SOX13: variants seen among roughly 807,000 people sequenced by gnomAD.
SOX13 encodes the protein transcription factor SOX-13.
A neutral mutation model predicts 71.8 loss-of-function variants in SOX13; 28 were observed. The observed-to-expected ratio is 0.39, with a 90% CI of 0.29 to 0.53. SOX13 has a LOEUF of 0.53. SOX13 is among the 20% of genes least tolerant of loss of function. The pLI is 0.70. For missense variants in SOX13, 627 were observed against 810.3 expected (o/e 0.77, Z 2.75); for synonymous variants, 309 against 317.8 (o/e 0.97, Z 0.29).
At chr1:204,108,906 C>T (rs1183497728) in intron 1 of SOX13, among the ~76,000 whole-genome samples, 2 of 152,196 alleles carry the variant, frequency 1.3e-5, no homozygotes, top group Admixed American at 6.5e-5. Flanking sequence ...TTATTTTCAG[C>T]GGTTTGATTA....
At chr1:204,095,918 C>A (rs1656242595) in intron 1 of SOX13, among the ~76,000 whole-genome samples, 1 of 152,180 alleles carries the variant, frequency 6.6e-6, no homozygotes, top group African/African-American at 2.4e-5. Flanking sequence ...TAGACACATA[C>A]AATATTTGAC....
In SOX13 at chr1:204,117,632, C is replaced by A. The variant is rs36055883; in HGVS notation, c.700C>A (p.Pro234Thr). 5.0e-5 allele frequency: 80 copies of A among 1,613,562 alleles called. 1 individual carries two copies. Among genetic ancestry groups the A allele is most frequent in the Middle Eastern group, 4.9e-4 (3 of 6,084 alleles). The change falls in exon 7 of 14, where the codon CCA (proline) becomes ACA (threonine). Residue 234 changes from proline to threonine, a missense_variant. Transcript: ENST00000367204. ...TTATGTCATGATCCCAGCCTTCCCC[C>A]CAAGCCACCAACCTCTGCCTGTCAC... ...MPYVMIPAFP[P>T]SHQPLPVTPD...
At chr1:204,117,269 G>C (rs1454669791) in intron 6 of SOX13, 79 bp downstream of exon 6, 3 of 1,273,344 alleles carry the variant, frequency 2.4e-6, no homozygotes, top group African/African-American at 1.5e-5. Context: ...CTGGGGACAG[G>C]GGATGTGCAC....
chr1:204,099,424 CT>C (rs200311750), intron 1 of SOX13, among the ~76,000 whole-genome samples: 1,594 of 93,376 alleles, frequency 0.017, 10 homozygotes, highest in African/African-American at 0.05. Context: ...CTTTTTCTGG[CT>C]TTTTTTTTTT....
intron 5 of SOX13, 144 bp downstream of exon 5, chr1:204,116,823 A>T: frequency 7.0e-7 from 1 of 1,420,898 alleles, no homozygotes; most frequent in Non-Finnish European, 9.4e-7. Flanking sequence ...CAGGGGCTGT[A>T]GGATTCCCAC....
intron 1 of SOX13, among the ~76,000 whole-genome samples, chr1:204,108,043 G>T (rs548057519): frequency 1.3e-5 from 2 of 152,296 alleles, no homozygotes; most frequent in East Asian, 3.9e-4. Flanking sequence ...AGGGACCGTG[G>T]AGGCTAAGTG....
intron 1 of SOX13, among the ~76,000 whole-genome samples, chr1:204,106,371 C>T (rs927095074): frequency 6.6e-6 from 1 of 152,166 alleles, no homozygotes; most frequent in Non-Finnish European, 1.5e-5. Context: ...CTGCTTTGTG[C>T]TGTGCTGCTG....
At chr1:204,090,386 T>G (rs953591384) in intron 1 of SOX13, among the ~76,000 whole-genome samples, 2 of 150,900 alleles carry the variant, frequency 1.3e-5, no homozygotes, top group African/African-American at 2.4e-5. Flanking sequence ...CCTCCCTGAC[T>G]AGCTCAAGAC....
chr1:204,116,061 T>G, intron 4 of SOX13: 1 of 748,326 alleles, frequency 1.3e-6, no homozygotes, highest in Non-Finnish European at 1.8e-6. Flanking sequence ...GCAGAGAAAT[T>G]GGTAACTTGC....
rs1457903376 is a variant in SOX13, at chr1:204,117,690, C to T, written c.758C>T (p.Pro253Leu). 1 of 1,612,480 alleles carries T rather than the reference C, an allele frequency of 6.2e-7. No individual in the cohort carries two copies. The highest frequency in any genetic ancestry group is 1.7e-5 in the Admixed American group (1 of 59,954). ...TCCCAGCTGGCCTTACCCATTCAGC[C>T]CATTCCCTGCAAACCAGGTGAGTGT... The part of the protein sequence containing the change: ...PDSQLALPIQ[P>L]IPCKPVEYPL... The change falls in exon 7 of 14, where the codon CCC becomes CTC. Residue 253 changes from proline to leucine, a missense_variant. Coordinates refer to ENST00000367204, the MANE Select transcript of SOX13 (RefSeq NM_005686.3).
At chr1:204,105,745 C>G (rs1257810206) in intron 1 of SOX13, among the ~76,000 whole-genome samples, 4 of 152,264 alleles carry the variant, frequency 2.6e-5, no homozygotes, top group African/African-American at 7.2e-5. Flanking sequence ...TGCGTGAACT[C>G]AACATCTCCT....
chr1:204,083,093 A>G (rs1471079143), intron 1 of SOX13, among the ~76,000 whole-genome samples: 1 of 152,138 alleles, frequency 6.6e-6, no homozygotes, highest in Non-Finnish European at 1.5e-5. Context: ...CATTTTGGCT[A>G]TCTGTGTTAC....
rs569092236 is a variant in SOX13 at position 204,080,386 on chromosome 1, A to C, written c.-2+6675A>C. Among the ~76,000 whole-genome samples the C allele has an allele frequency of 7.9e-5, 12 of 152,186 alleles. No homozygotes were observed. In the South Asian group the frequency reaches 2.5e-3, roughly 32 times the overall value. On this transcript the variant is annotated intron_variant, in intron 1 of 13. Coordinates refer to ENST00000367204, the MANE Select transcript of SOX13 (RefSeq NM_005686.3). The stretch of plus-strand genomic sequence containing the variant: ...TAGGGTGTCAGTGTTTTGGCTTGAG[A>C]GGAGAGAGGGGAAGGGGCCACAGAC...
intron 1 of SOX13, among the ~76,000 whole-genome samples, chr1:204,108,646 C>T (rs1049545179): frequency 3.3e-5 from 5 of 152,212 alleles, no homozygotes; most frequent in South Asian, 2.1e-4. Context: ...GACCCAAGTC[C>T]GGAGTGAGGA....
At chr1:204,079,511 A>G (rs1655856478) in intron 1 of SOX13, among the ~76,000 whole-genome samples, 1 of 151,570 alleles carries the variant, frequency 6.6e-6, no homozygotes, top group Admixed American at 6.6e-5. Flanking sequence ...ACGCCCGGCT[A>G]ATTTTTGTAT....
rs1244640474 is a variant in SOX13, at chr1:204,121,953, C to A, written c.829C>A (p.Pro277Thr). The change falls in exon 8 of 14, where the codon CCT becomes ACT. Residue 277 changes from proline (P) to threonine (T), a missense_variant. Physicochemically the swap from Pro to Thr is conservative, Grantham distance 38. Coordinates refer to ENST00000367204, the MANE Select transcript of SOX13 (RefSeq NM_005686.3). ...HSPPAPVVKR[P>T]GAMATHHPLQ... ...CCCCCCTGCCCCAGTGGTGAAGAGG[C>A]CTGGGGCCATGGCCACCCACCACCC... is the stretch of plus-strand genomic sequence containing the variant. 6.2e-7 allele frequency: 1 copy of A among 1,611,376 alleles called. No homozygotes were observed. Among genetic ancestry groups the A allele is most frequent in the Non-Finnish European group, 8.5e-7 (1 of 1,177,808 alleles).
intron 1 of SOX13, among the ~76,000 whole-genome samples, chr1:204,109,689 A>T (rs1461644631): frequency 6.6e-6 from 1 of 152,188 alleles, no homozygotes. Context: ...GCTGTATCTG[A>T]GACGGTTGGT....
At chr1:204,117,555 G>T (rs987805805) in intron 6 of SOX13, 38 bp from the exon 7 acceptor site, 3 of 1,367,674 alleles carry the variant, frequency 2.2e-6, no homozygotes, top group Non-Finnish European at 3.1e-6. Context: ...TAGCTCTTTG[G>T]GTCCCTGGGG....
intron 2 of SOX13, 30 bp downstream of exon 2, chr1:204,113,164 A>C: frequency 6.7e-7 from 1 of 1,490,320 alleles, no homozygotes; most frequent in Non-Finnish European, 9.0e-7. Context: ...CTCCATCCTC[A>C]CACCCATGCG....
Sources: allele counts gnomAD v4.1 joint callset (sites outside exome capture counted in the v4.1 genomes callset), GRCh38; gene constraint gnomAD v4.1.1; transcripts MANE v1.5; gene names NCBI Gene and HGNC (gene_info 2026-07-23, HGNC 2026-07-21).